The following HDAC9 variants were observed in gnomAD, a reference collection of about 807,000 sequenced individuals.
The protein encoded by HDAC9 is histone deacetylase 9.
In HDAC9, 41 loss-of-function variants were observed where a neutral mutation model predicts 139.4. The ratio of observed to expected loss-of-function variants is 0.29; its 90% confidence interval spans 0.23 to 0.38. HDAC9 has a LOEUF of 0.38. HDAC9 is among the 10% of genes least tolerant of loss of function. The pLI, the probability that HDAC9 is intolerant of heterozygous loss-of-function variation, is 1.00. For synonymous variants in HDAC9, 517 were observed against 476.2 expected, an observed-to-expected ratio of 1.09 and a Z score of -1.12; for missense variants, 1,147 against 1,297.0, an observed-to-expected ratio of 0.88 and a Z score of 1.78.
chr7:18,451,818 C>G (rs768003710), intron 1 of HDAC9, among the ~76,000 whole-genome samples: 1 of 151,740 alleles, frequency 6.6e-6, no homozygotes, highest in Non-Finnish European at 1.5e-5. Context: ...GTTTGTGGTC[C>G]CTAGGAAAAG....
chr7:18,371,769 A>T (rs1784612112), intron 1 of HDAC9, among the ~76,000 whole-genome samples: 1 of 152,188 alleles, frequency 6.6e-6, no homozygotes, highest in African/African-American at 2.4e-5. Flanking sequence ...GATTAAGGAC[A>T]TCAATTTCCA....
chr7:18,275,171 T>C (rs527675493), intron 2 of HDAC9, among the ~76,000 whole-genome samples: 5 of 152,304 alleles, frequency 3.3e-5, no homozygotes, highest in African/African-American at 1.2e-4. Context: ...AGGCCAGAAA[T>C]TTTTGAAAAA....
chr7:18,978,628 A>G (rs528992986), intron 25 of HDAC9, among the ~76,000 whole-genome samples: 2 of 152,328 alleles, frequency 1.3e-5, no homozygotes, highest in African/African-American at 4.8e-5. Flanking sequence ...TCCAAGTTAT[A>G]TAGTCAAAGA....
chr7:18,459,248 C>G (rs1276496529), intron 1 of HDAC9, among the ~76,000 whole-genome samples: 2 of 152,080 alleles, frequency 1.3e-5, no homozygotes, highest in African/African-American at 4.8e-5. Flanking sequence ...CTGTTACTTC[C>G]TACTAAGTTT....
At chr7:18,809,005 G>T (rs1350193766) in intron 17 of HDAC9, among the ~76,000 whole-genome samples, 2 of 152,020 alleles carry the variant, frequency 1.3e-5, no homozygotes, top group African/African-American at 2.4e-5. Flanking sequence ...TAGACCAATG[G>T]AATAGAATGG....
chr7:18,943,928 CTTGA>C (rs757631726), intron 23 of HDAC9, among the ~76,000 whole-genome samples: 12 of 152,074 alleles, frequency 7.9e-5, no homozygotes, highest in Non-Finnish European at 1.3e-4. Flanking sequence ...AGTGTAGTAA[CTTGA>C]TTGTCAATAC....
At chr7:18,980,555 AAAC>A (rs1427576585) in intron 25 of HDAC9, among the ~76,000 whole-genome samples, 3 of 152,234 alleles carry the variant, frequency 2.0e-5, no homozygotes, top group Non-Finnish European at 4.4e-5. Context: ...CAAGAACTTA[AAAC>A]AATACCTGGC....
chr7:18,648,155 A>G (rs1788022977), intron 10 of HDAC9, among the ~76,000 whole-genome samples, 157 bp downstream of exon 10: 1 of 152,064 alleles, frequency 6.6e-6, no homozygotes, highest in South Asian at 2.1e-4. Flanking sequence ...TATCATCTTT[A>G]TTTATTCCTT....
At chr7:18,562,703 C>T (rs367767181) in intron 2 of HDAC9, among the ~76,000 whole-genome samples, 2 of 151,914 alleles carry the variant, frequency 1.3e-5, no homozygotes, top group South Asian at 2.1e-4. Flanking sequence ...CTATATTGTT[C>T]TTCCATTCTA....
At chr7:18,701,929 T>G (rs889461784) in intron 12 of HDAC9, among the ~76,000 whole-genome samples, 3 of 152,386 alleles carry the variant, frequency 2.0e-5, no homozygotes, top group Middle Eastern at 3.4e-3. Flanking sequence ...TTTCTGTGTT[T>G]CCATAGGGAT....
chr7:18,411,327 CTG>C (rs1327090898), intron 1 of HDAC9, among the ~76,000 whole-genome samples: 10 of 152,174 alleles, frequency 6.6e-5, no homozygotes, highest in Non-Finnish European at 1.3e-4. Context: ...CACAATCATT[CTG>C]TGTTTCATTT....
At chr7:18,540,840 T>C (rs1812570614) in intron 2 of HDAC9, among the ~76,000 whole-genome samples, 2 of 152,208 alleles carry the variant, frequency 1.3e-5, no homozygotes, top group Admixed American at 6.5e-5. Context: ...CTAATGAGCA[T>C]TTAGCATAAG....
At chr7:18,797,019 T>G (rs1474134861) in intron 17 of HDAC9, among the ~76,000 whole-genome samples, 1 of 152,228 alleles carries the variant, frequency 6.6e-6, no homozygotes, top group East Asian at 1.9e-4. Flanking sequence ...AATATGAGTT[T>G]GAGTGTGTAT....
chr7:18,404,584 G>C (rs1787838864), intron 1 of HDAC9, among the ~76,000 whole-genome samples: 1 of 152,050 alleles, frequency 6.6e-6, no homozygotes, highest in Non-Finnish European at 1.5e-5. Context: ...TGAAATTAGG[G>C]TTTCTTATAC....
chr7:18,554,183 C>A (rs564767181), intron 2 of HDAC9, among the ~76,000 whole-genome samples: 18 of 151,788 alleles, frequency 1.2e-4, no homozygotes, highest in African/African-American at 4.1e-4. Flanking sequence ...ACACTATATG[C>A]ATAAGAAGTG....
At position 18,296,881 on chromosome 7, in the gene HDAC9, C is replaced by A. The variant is rs775210340; in HGVS notation, c.-42+6366C>A. Among the ~76,000 whole-genome samples, 5 of 152,294 alleles carry A rather than the reference C, an allele frequency of 3.3e-5. No homozygotes were observed. The East Asian group carries it at 7.7e-4, about 24-fold the overall frequency. On this transcript the variant is annotated intron_variant, in intron 1 of 3. Transcript: ENST00000413509. ...AGTGTTAGAATGGAGGTTTTATGAA[C>A]AGAATCACAGAAGGAGGCAGGGGAC... is the stretch of plus-strand genomic sequence containing the variant.
chr7:18,799,321 T>A (rs1001065289), intron 17 of HDAC9, among the ~76,000 whole-genome samples: 4 of 152,100 alleles, frequency 2.6e-5, no homozygotes, highest in Non-Finnish European at 5.9e-5. Flanking sequence ...TGACTTCTAG[T>A]TTTACCATAC....
chr7:18,668,896 GA>G, intron 12 of HDAC9: 1 of 982,318 alleles, frequency 1.0e-6, no homozygotes, highest in African/African-American at 1.8e-5. Context: ...AATCGAAGTT[GA>G]AGCTTGCACA....
At chr7:18,536,542 A>G (rs188753865) in intron 2 of HDAC9, among the ~76,000 whole-genome samples, 2 of 152,322 alleles carry the variant, frequency 1.3e-5, no homozygotes, top group Admixed American at 1.3e-4. Context: ...AGTTACATTC[A>G]ATATATTCTA....
Sources: allele counts gnomAD v4.1 joint callset (sites outside exome capture counted in the v4.1 genomes callset), GRCh38; gene constraint gnomAD v4.1.1; transcripts MANE v1.5; gene names NCBI Gene and HGNC (gene_info 2026-07-23, HGNC 2026-07-21).